The following COPZ2 variants were observed in gnomAD, a reference collection of about 807,000 sequenced individuals.
The protein encoded by COPZ2 is coatomer subunit zeta-2.
In COPZ2, 30 loss-of-function variants were observed where a neutral mutation model predicts 33.2. That is an observed-to-expected ratio of 0.90 (90% confidence interval 0.68 to 1.23). The LOEUF is 1.23. COPZ2 is among the 50% of genes most tolerant of loss of function. COPZ2 has a pLI of 0.00. For missense variants in COPZ2, 263 were observed against 262.4 expected (o/e 1.00, Z -0.02); for synonymous variants, 89 against 102.6 (o/e 0.87, Z 0.80).
At chr17:48,045,161 T>C in the COPZ2 span, 1 of 152,150 alleles carries the variant, frequency 6.6e-6, no homozygotes, top group Non-Finnish European at 1.5e-5. Flanking sequence ...GTTTTCACTA[T>C]GTTGGCCAGG....
In COPZ2 at chr17:48,029,550, AAGAGAGGCCCTGGGGG is replaced by A. The variant is rs1466901246; in HGVS notation, c.495-390_495-375del. ...TGGATTCCCTGTGAAAAGAGTTAGG[AAGAGAGGCCCTGGGGG>A]TTCTTATCTTGTTGCACTGTTATTT... On this transcript the variant is annotated intron_variant, in intron 6 of 8. Transcript: ENST00000621465. 2,169 of 306,264 alleles carry A rather than the reference AAGAGAGGCCCTGGGGG, an allele frequency of 7.1e-3. 56 individuals carry two copies. Among genetic ancestry groups the A allele is most frequent in the African/African-American group, 0.044 (1,965 of 44,618 alleles). The allele number at this position is 306,264 out of a possible 1,614,324, so 19.0% of individuals were successfully genotyped here.
At chr17:48,032,070 A>G in intron 6 of COPZ2, 86 bp downstream of exon 6, 1 of 1,095,662 alleles carries the variant, frequency 9.1e-7, no homozygotes, top group Non-Finnish European at 1.4e-6. Context: ...AGTTGGTCAG[A>G]GTTCTAGCCA....
chr17:48,040,159 A>C (rs1416081273), upstream of COPZ2, among the ~76,000 whole-genome samples: 2 of 129,148 alleles, frequency 1.5e-5, no homozygotes, highest in Non-Finnish European at 3.2e-5. Context: ...CACACAAACA[A>C]CTCCCAGGAT....
At chr17:48,030,327 CACAA>C (rs991232113) in intron 6 of COPZ2, among the ~76,000 whole-genome samples, 4 of 141,424 alleles carry the variant, frequency 2.8e-5, no homozygotes, top group Non-Finnish European at 4.6e-5. Flanking sequence ...CACACACACA[CACAA>C]AGAAACAAAC....
rs775979975 is a variant in COPZ2, at chr17:48,032,227, G to T, written c.423C>A (p.Asn141Lys). The change falls in exon 6 of 9, where the codon AAC (asparagine) becomes AAA (lysine). Residue 141 changes from asparagine (N) to lysine (K), a missense_variant. Asn to Lys is a moderately conservative substitution (Grantham distance 94). Transcript: ENST00000621465. ...FESLNHMLRK[N>K]VEKRWLLENM... ...TCTCCAGCAACCAGCGCTTCTCCACGTTCTTCCTGAAGGTGGACACAAGCT... is the reference window on the plus strand; with the variant it reads ...TCTCCAGCAACCAGCGCTTCTCCACTTTCTTCCTGAAGGTGGACACAAGCT... 6 of 1,612,002 alleles carry T rather than the reference G, an allele frequency of 3.7e-6. No homozygotes were observed. The South Asian group carries it at 5.5e-5, about 15-fold the overall frequency.
chr17:48,043,748 A>G, the COPZ2 span, among the ~76,000 whole-genome samples: 1 of 152,176 alleles, frequency 6.6e-6, no homozygotes, highest in African/African-American at 2.4e-5. Context: ...GAATATGTAC[A>G]TTGTTATCTC....
intron 4 of COPZ2, 103 bp downstream of exon 4, chr17:48,033,108 G>GT (rs1298904246): frequency 2.0e-5 from 16 of 794,784 alleles, no homozygotes; most frequent in Non-Finnish European, 2.8e-5. Flanking sequence ...AAAAGAAGGG[G>GT]TCCAATGGTG....
chr17:48,028,066 G>A lies in COPZ2; in HGVS notation c.585+406C>T, dbSNP rs1259077406. 6.6e-6 allele frequency among the ~76,000 whole-genome samples: 1 copy of A among 152,188 alleles called. No homozygotes were observed. Among genetic ancestry groups the A allele is most frequent in the Non-Finnish European group, 1.5e-5 (1 of 68,026 alleles). On this transcript the variant is annotated intron_variant, in intron 8 of 8. Coordinates refer to ENST00000621465, the MANE Select transcript of COPZ2 (RefSeq NM_016429.4). This position sits in a 1 kb window ranked among gnomAD's most constrained non-coding sequence, Gnocchi z 4.5. ...GTGTGCACCCTAAGTGGCAAGGACAGGGGTTAAGAGCCAAACTCCTATTTG... is the reference window on the plus strand; with the variant it reads ...GTGTGCACCCTAAGTGGCAAGGACAAGGGTTAAGAGCCAAACTCCTATTTG...
rs944005237 is a variant in COPZ2, at chr17:48,029,175, C to T, written c.496G>A (p.Val166Met). ...LVLDEIVDGG[V>M]ILESDPQQVI... is the part of the protein sequence containing the mutation. Reference sequence around the variant, plus strand: ...TGCTGGGGGTCACTCTCCAGAATCACACTACAAGATGAGAGGAAAAACCAG... The same window carrying T: ...TGCTGGGGGTCACTCTCCAGAATCATACTACAAGATGAGAGGAAAAACCAG... Residue 166 changes from valine to methionine, a missense_variant and splice_region_variant, in exon 7 of 9, where the codon GTG (valine) becomes ATG (methionine). By Grantham distance (21) the Val-to-Met change is conservative. Coordinates refer to ENST00000621465, the MANE Select transcript of COPZ2 (RefSeq NM_016429.4). 2.5e-6 allele frequency: 4 copies of T among 1,573,516 alleles called. No homozygotes were observed. The African/African-American group carries it at 4.1e-5, about 16-fold the overall frequency.
Position 48,037,638 on chromosome 17 carries a change from C to T in COPZ2, c.111+29G>A, listed in dbSNP as rs2037009858. ...CTGTCCCTGCCCAGCTCCCGCCGCCCGGGATCCCCGCGCCCGCCCGCTCCG... is the reference window on the plus strand; with the variant it reads ...CTGTCCCTGCCCAGCTCCCGCCGCCTGGGATCCCCGCGCCCGCCCGCTCCG... On this transcript the variant is annotated intron_variant, in intron 1 of 8. Coordinates refer to ENST00000621465, the MANE Select transcript of COPZ2 (RefSeq NM_016429.4). This position sits in a 1 kb window ranked among gnomAD's most constrained non-coding sequence, Gnocchi z 5.6. 3 of 1,059,138 alleles carry T rather than the reference C, an allele frequency of 2.8e-6. No individual in the cohort carries two copies. The highest frequency in any genetic ancestry group is 3.4e-6 in the Non-Finnish European group (3 of 878,574). The allele number at this position is 1,059,138 out of a possible 1,614,324, so 65.6% of individuals were successfully genotyped here.
At chr17:48,034,325 C>G (rs769298473) in intron 2 of COPZ2, among the ~76,000 whole-genome samples, 9 of 152,132 alleles carry the variant, frequency 5.9e-5, no homozygotes, top group Non-Finnish European at 1.3e-4. Context: ...AGGCTGGTCT[C>G]GAACTCCCGA....
In COPZ2 at chr17:48,037,326, C is replaced by G. The variant is rs41280120; in HGVS notation, c.111+341G>C. On this transcript the variant is annotated intron_variant, in intron 1 of 8. Coordinates refer to ENST00000621465, the MANE Select transcript of COPZ2 (RefSeq NM_016429.4). The surrounding 1 kb of genome is among the most constrained non-coding windows in gnomAD (Gnocchi z 5.6). The stretch of plus-strand genomic sequence containing the variant: ...ATCAGCGCGCCCCCAGGCCCTGGCC[C>G]GGGTAGACTCCAGAAGCATGCCCAT... 0.17 allele frequency: 71,798 copies of G among 429,366 alleles called. 7,075 individuals carry two copies. Among genetic ancestry groups the G allele is most frequent in the Non-Finnish European group, 0.21 (46,885 of 221,458 alleles). 26.6% of individuals were successfully genotyped at this position (429,366 alleles called of 1,614,324 possible).
chr17:48,026,541 G>A (rs2036819928), intron 8 of COPZ2, 66 bp from the exon 9 acceptor site: 5 of 1,239,442 alleles, frequency 4.0e-6, no homozygotes, highest in African/African-American at 1.5e-5. Context: ...CACAGTCATG[G>A]GGAGGTCCAC....
rs1242697157 is a variant in COPZ2 at position 48,037,717 on chromosome 17, C to G, written c.61G>C (p.Ala21Pro). The change falls in exon 1 of 9, where the codon GCC (alanine) becomes CCC (proline). Residue 21 changes from alanine (A) to proline (P), a missense_variant. Ala to Pro is a conservative substitution (Grantham distance 27). Transcript: ENST00000621465. This position sits in a 1 kb window ranked among gnomAD's most constrained non-coding sequence, Gnocchi z 5.6. ...CGAGCAGGCGGCGCCGGGCCCCCGG[C>G]CTGGGCCGCCGCGGCCCCCTCCCCC... The part of the protein sequence containing the change: ...HPGEGAAAAQ[A>P]GGPAPPARAG... 5 of 1,082,600 alleles carry G rather than the reference C, an allele frequency of 4.6e-6. No individual in the cohort carries two copies. Among genetic ancestry groups the G allele is most frequent in the Non-Finnish European group, 5.6e-6 (5 of 894,782 alleles). The allele number at this position is 1,082,600 out of a possible 1,614,324, so 67.1% of individuals were successfully genotyped here. A position where few individuals can be genotyped will look rare whatever the true frequency, so the allele number is the denominator to read the frequency against.
chr17:48,040,931 C>A (rs2037055440), upstream of COPZ2, among the ~76,000 whole-genome samples: 1 of 151,694 alleles, frequency 6.6e-6, no homozygotes, highest in South Asian at 2.1e-4. Context: ...GGGCAGATCA[C>A]TTGAGACCAG....
chr17:48,033,392 T>C, intron 3 of COPZ2, 90 bp from the exon 4 acceptor site: 1 of 759,974 alleles, frequency 1.3e-6, no homozygotes, highest in Middle Eastern at 2.3e-4. Flanking sequence ...GACTCTCCTA[T>C]TTCCTTCTCC....
At chr17:48,046,880 G>A in the COPZ2 span, 1 of 152,176 alleles carries the variant, frequency 6.6e-6, no homozygotes, top group Non-Finnish European at 1.5e-5. Context: ...TAGTCCTCAT[G>A]TTGTTTATAC....
chr17:48,030,836 T>C (rs1236326418), intron 6 of COPZ2, among the ~76,000 whole-genome samples: 2 of 152,216 alleles, frequency 1.3e-5, no homozygotes, highest in Non-Finnish European at 2.9e-5. Context: ...GCATTTATAG[T>C]TTTGTGTGTG....
rs757700556 is a variant in COPZ2 at position 48,036,903 on chromosome 17, G to T, written c.134C>A (p.Thr45Asn). ...ATCTAGGATGAAAACAGCCTTGATG[G>T]TGTAGAGGGAAGGTTCCTGCAACTG... ...GLRLQEPSLY[T>N]IKAVFILDND... The change falls in exon 2 of 9, where the codon ACC becomes AAC. Residue 45 changes from threonine to asparagine, a missense_variant. Thr to Asn is a moderately conservative substitution (Grantham distance 65). Coordinates refer to ENST00000621465, the MANE Select transcript of COPZ2 (RefSeq NM_016429.4). The T allele has an allele frequency of 2.5e-6, 4 of 1,613,876 alleles. No individual in the cohort carries two copies. In the African/African-American group the frequency reaches 4.0e-5, roughly 16 times the overall value.
Sources: gnomAD v4.1 joint callset for allele counts (sites outside exome capture counted in the v4.1 genomes callset) on GRCh38, gnomAD v4.1.1 for gene constraint, Gnocchi (gnomAD v3.1) non-coding constraint, MANE v1.5 for transcripts, NCBI Gene and HGNC (gene_info 2026-07-23, HGNC 2026-07-21) for gene names.